The following OR2M4 variants were observed in gnomAD, a reference collection of about 807,000 sequenced individuals.
OR2M4 encodes olfactory receptor 2M4.
OR2M4 carries 8 observed loss-of-function variants against 13.7 expected under a neutral mutation model. The ratio of observed to expected loss-of-function variants is 0.58; its 90% CI spans 0.34 to 1.05. The LOEUF (loss-of-function observed/expected upper bound fraction) is 1.05. Ranked by LOEUF, OR2M4 falls within the 50% of genes least tolerant of loss-of-function variation. The pLI is 0.02. For missense variants in OR2M4, 374 were observed against 381.6 expected (o/e 0.98, Z 0.17); for synonymous variants, 152 against 141.3 (o/e 1.08, Z -0.53).
chr1:248,238,546 A>G (rs1467419971), intron 1 of OR2M4, among the ~76,000 whole-genome samples: 2 of 152,204 alleles, frequency 1.3e-5, no homozygotes, highest in Non-Finnish European at 2.9e-5. Flanking sequence ...AAAATTCTGT[A>G]AGGAATTTTC....
rs992142689 is a variant in OR2M4, at chr1:248,240,996, C to T, written c.*1132C>T. On this transcript the variant is annotated 3_prime_UTR_variant, in exon 2 of 2. Coordinates refer to ENST00000641868, the MANE Select transcript of OR2M4 (RefSeq NM_017504.2). The stretch of plus-strand genomic sequence containing the variant: ...TGGTCAAAACTTGTGTTCCCACAAA[C>T]CTTGACACTGAGGGCTAAAATGCGC... The T allele has an allele frequency of 6.6e-6, 1 of 152,216 alleles. No homozygotes were observed. Among genetic ancestry groups the T allele is most frequent in the Non-Finnish European group, 1.5e-5 (1 of 68,060 alleles). The allele number at this position is 152,216 out of a possible 1,614,324, so 9.4% of individuals were successfully genotyped here. A position where few individuals can be genotyped will look rare whatever the true frequency, so the allele number is the denominator to read the frequency against.
chr1:248,239,572 T>C lies in OR2M4; in HGVS notation c.644T>C (p.Ile215Thr). The change falls in exon 2 of 2, where the codon ATA becomes ACA. Residue 215 changes from isoleucine to threonine, a missense_variant. By Grantham distance (89) the Ile-to-Thr change is moderately conservative. Coordinates refer to ENST00000641868, the MANE Select transcript of OR2M4 (RefSeq NM_017504.2). ...CTAATCTTTCCAGTTTCAGTTATCA[T>C]ACTTTCCTATTCCCATGTCCTTCGA... ...VMLIFPVSVI[I>T]LSYSHVLRAV... 6.2e-7 allele frequency: 1 copy of C among 1,614,102 alleles called. No individual in the cohort carries two copies. The highest frequency in any genetic ancestry group is 8.5e-7 in the Non-Finnish European group (1 of 1,179,976).
In OR2M4 at chr1:248,241,977, A is replaced by C. The variant is rs983071197; in HGVS notation, c.*2113A>C. The C allele has an allele frequency of 1.2e-4, 19 of 152,278 alleles. No individual in the cohort carries two copies. The highest frequency in any genetic ancestry group is 4.3e-4 in the African/African-American group (18 of 41,562). The allele number at this position is 152,278 out of a possible 1,614,324, so 9.4% of individuals were successfully genotyped here. A position where few individuals can be genotyped will look rare whatever the true frequency, so the allele number is the denominator to read the frequency against. ...GTCGCCCTAGCTATGTCAAGTCAAAAATTTAGATTTATTGGGATTTTAAAA... is the reference window on the plus strand; with the variant it reads ...GTCGCCCTAGCTATGTCAAGTCAAACATTTAGATTTATTGGGATTTTAAAA... On this transcript the variant is annotated 3_prime_UTR_variant, in exon 2 of 2. Transcript: ENST00000641868.
chr1:248,239,327 C>T lies in OR2M4; in HGVS notation c.399C>T (p.Thr133=), dbSNP rs1452488585. 2 of 1,614,044 alleles carry T rather than the reference C, an allele frequency of 1.2e-6. No homozygotes were observed. Among genetic ancestry groups the T allele is most frequent in the Non-Finnish European group, 1.7e-6 (2 of 1,180,014 alleles). The change falls in exon 2 of 2, where the codon ACC becomes ACT. Residue 133 remains threonine (T), a synonymous_variant. Transcript: ENST00000641868. ...CTATATGTCACCCTCTTCAGTACACCATCCTCATGAATCCGAAACTCTGTG... is the reference window on the plus strand; with the variant it reads ...CTATATGTCACCCTCTTCAGTACACTATCCTCATGAATCCGAAACTCTGTG... ...YVAICHPLQY[T]ILMNPKLCVF... is the part of the protein sequence containing the mutation.
intron 1 of OR2M4, among the ~76,000 whole-genome samples, chr1:248,235,244 C>T (rs192039837): frequency 1.6e-3 from 239 of 152,250 alleles, no homozygotes; most frequent in African/African-American, 5.4e-3. Flanking sequence ...TTTCCCAGCA[C>T]CATTTACTAA....
chr1:248,243,910 A>C lies in OR2M4; in HGVS notation c.*4046A>C, dbSNP rs1239595880. ...AGCACATGACCATGCATTTCTCAAA[A>C]GAAGGCATATGAGCAGCCAACAAAC... On this transcript the variant is annotated 3_prime_UTR_variant, in exon 2 of 2. Coordinates refer to ENST00000641868, the MANE Select transcript of OR2M4 (RefSeq NM_017504.2). 1 of 152,268 alleles carries C rather than the reference A, an allele frequency of 6.6e-6. No homozygotes were observed. Among genetic ancestry groups the C allele is most frequent in the Non-Finnish European group, 1.5e-5 (1 of 68,054 alleles). The allele number at this position is 152,268 out of a possible 1,614,324, so 9.4% of individuals were successfully genotyped here. A position where few individuals can be genotyped will look rare whatever the true frequency, so the allele number is the denominator to read the frequency against.
At position 248,239,125 on chromosome 1, in the gene OR2M4, T is replaced by A. The variant is rs1666587678; in HGVS notation, c.197T>A (p.Leu66Gln). The A allele has an allele frequency of 1.2e-6, 2 of 1,614,078 alleles. No individual in the cohort carries two copies. The highest frequency in any genetic ancestry group is 1.3e-5 in the African/African-American group (1 of 75,030). Residue 66 changes from leucine (L) to glutamine (Q), a missense_variant, in exon 2 of 2, where the codon CTG (leucine) becomes CAG (glutamine). Coordinates refer to ENST00000641868, the MANE Select transcript of OR2M4 (RefSeq NM_017504.2). ...CCCATGTACTTCCTCCTCAGTCAAC[T>A]GTCCCTTATGGACCTCATGCTCATC... ...HTPMYFLLSQ[L>Q]SLMDLMLICT... is the part of the protein sequence containing the mutation.
Position 248,243,797 on chromosome 1 carries a change from T to C in OR2M4, c.*3933T>C, listed in dbSNP as rs1297199111. The C allele has an allele frequency of 2.0e-5, 3 of 152,146 alleles. No individual in the cohort carries two copies. Among genetic ancestry groups the C allele is most frequent in the African/African-American group, 7.2e-5 (3 of 41,412 alleles). 9.4% of individuals were successfully genotyped at this position (152,146 alleles called of 1,614,324 possible). On this transcript the variant is annotated 3_prime_UTR_variant, in exon 2 of 2. Transcript: ENST00000641868. ...GGAGAAGATATTAGCAAAATGTGCA[T>C]CCAACAAAGGTCTAACATCCAGATT...
chr1:248,234,765 T>C (rs534647688), intron 1 of OR2M4, among the ~76,000 whole-genome samples: 6 of 151,910 alleles, frequency 3.9e-5, no homozygotes, highest in Non-Finnish European at 5.9e-5. Flanking sequence ...ATCAGTGATG[T>C]TGAGCCTTTT....
Position 248,243,488 on chromosome 1 carries a change from T to C in OR2M4, c.*3624T>C, listed in dbSNP as rs1259847349. 6.6e-6 allele frequency: 1 copy of C among 152,232 alleles called. No individual in the cohort carries two copies. Among genetic ancestry groups the C allele is most frequent in the African/African-American group, 2.4e-5 (1 of 41,440 alleles). 9.4% of individuals were successfully genotyped at this position (152,232 alleles called of 1,614,324 possible). On this transcript the variant is annotated 3_prime_UTR_variant, in exon 2 of 2. Transcript: ENST00000641868. ...TAGCACTTCGCCTGCATTTCTTTTATTAGATGTTTCGGGCTACAGCCCTCC... is the reference window on the plus strand; with the variant it reads ...TAGCACTTCGCCTGCATTTCTTTTACTAGATGTTTCGGGCTACAGCCCTCC...
chr1:248,243,367 T>C lies in OR2M4; in HGVS notation c.*3503T>C, dbSNP rs1158118027. The C allele has an allele frequency of 6.6e-6, 1 of 152,178 alleles. No individual in the cohort carries two copies. Among genetic ancestry groups the C allele is most frequent in the Non-Finnish European group, 1.5e-5 (1 of 68,048 alleles). The allele number at this position is 152,178 out of a possible 1,614,324, so 9.4% of individuals were successfully genotyped here. A position where few individuals can be genotyped will look rare whatever the true frequency, so the allele number is the denominator to read the frequency against. The stretch of plus-strand genomic sequence containing the variant: ...ATCGGCCACTTGGCTCTTTCGTGTT[T>C]CCTGGCATTCGCAGGCACGCTGTCC... On this transcript the variant is annotated 3_prime_UTR_variant, in exon 2 of 2. Transcript: ENST00000641868.
In OR2M4 at chr1:248,244,083, A is replaced by T. The variant is rs948764222; in HGVS notation, c.*4219A>T. 2 of 152,184 alleles carry T rather than the reference A, an allele frequency of 1.3e-5. No homozygotes were observed. The highest frequency in any genetic ancestry group is 4.8e-5 in the African/African-American group (2 of 41,438). 9.4% of individuals were successfully genotyped at this position (152,184 alleles called of 1,614,324 possible). On this transcript the variant is annotated 3_prime_UTR_variant, in exon 2 of 2. Transcript: ENST00000641868. ...GTGAAGCTGTGGAGAAAAGGAACACATATACACTGTTGGTGGGAATGTAAA... is the reference window on the plus strand; with the variant it reads ...GTGAAGCTGTGGAGAAAAGGAACACTTATACACTGTTGGTGGGAATGTAAA...
At chr1:248,235,595 T>C (rs1041678246) in intron 1 of OR2M4, among the ~76,000 whole-genome samples, 2 of 152,154 alleles carry the variant, frequency 1.3e-5, no homozygotes, top group Non-Finnish European at 2.9e-5. Context: ...TTGAGCAGTA[T>C]AGCCATTTTC....
At chr1:248,238,884 G>A (rs1666583690) in intron 1 of OR2M4, 26 bp from the exon 2 acceptor site, 1 of 1,395,676 alleles carries the variant, frequency 7.2e-7, no homozygotes, top group Admixed American at 2.1e-5. Flanking sequence ...TGATAAATAA[G>A]CTTGTACCTT....
At position 248,239,320 on chromosome 1, in the gene OR2M4, A is replaced by G. The variant is rs200595214; in HGVS notation, c.392A>G (p.Gln131Arg). The G allele has an allele frequency of 3.9e-5, 63 of 1,614,032 alleles. No homozygotes were observed. In the Middle Eastern group the frequency reaches 9.9e-4, roughly 25 times the overall value. The change falls in exon 2 of 2, where the codon CAG becomes CGG. Residue 131 changes from glutamine to arginine, a missense_variant. Coordinates refer to ENST00000641868, the MANE Select transcript of OR2M4 (RefSeq NM_017504.2). ...TATGTGGCTATATGTCACCCTCTTC[A>G]GTACACCATCCTCATGAATCCGAAA... The part of the protein sequence containing the change: ...DRYVAICHPL[Q>R]YTILMNPKLC...
Position 248,241,665 on chromosome 1 carries a change from GA to G in OR2M4, c.*1802del, listed in dbSNP as rs1375190892. 4.2e-4 allele frequency: 64 copies of G among 152,242 alleles called. No homozygotes were observed. The highest frequency in any genetic ancestry group is 1.5e-3 in the African/African-American group (62 of 41,540). The allele number at this position is 152,242 out of a possible 1,614,324, so 9.4% of individuals were successfully genotyped here. A position where few individuals can be genotyped will look rare whatever the true frequency, so the allele number is the denominator to read the frequency against. ...GCACTTTGGGAGGCCGAGGCGGGCA[GA>G]TTATCTGAGGTTGGGAGTTCAAGGC... On this transcript the variant is annotated 3_prime_UTR_variant, in exon 2 of 2. Coordinates refer to ENST00000641868, the MANE Select transcript of OR2M4 (RefSeq NM_017504.2).
rs1666603996 is a variant in OR2M4 at position 248,240,131 on chromosome 1, AC to A, written c.*268del. ...GGTGGTACTTGATTTTAGGATGCTT[AC>A]TTTTGAAGCCAGGTATAAGTCCGAA... On this transcript the variant is annotated 3_prime_UTR_variant, in exon 2 of 2. Coordinates refer to ENST00000641868, the MANE Select transcript of OR2M4 (RefSeq NM_017504.2). 3.5e-6 allele frequency: 1 copy of A among 285,224 alleles called. No homozygotes were observed. The highest frequency in any genetic ancestry group is 2.2e-5 in the African/African-American group (1 of 45,282). The allele number at this position is 285,224 out of a possible 1,614,324, so 17.7% of individuals were successfully genotyped here.
intron 1 of OR2M4, among the ~76,000 whole-genome samples, chr1:248,234,642 A>C (rs1467789444): frequency 2.0e-5 from 3 of 151,672 alleles, no homozygotes; most frequent in Non-Finnish European, 4.4e-5. Flanking sequence ...GTCCCTGCAA[A>C]GGACATGATG....
In OR2M4 at chr1:248,239,587, A is replaced by G; in HGVS notation, c.659A>G (p.His220Arg). 1 of 1,613,942 alleles carries G rather than the reference A, an allele frequency of 6.2e-7. No homozygotes were observed. ...PVSVIILSYS[H>R]VLRAVIHMGS... ...TCAGTTATCATACTTTCCTATTCCC[A>G]TGTCCTTCGAGCCGTCATCCACATG... The change falls in exon 2 of 2, where the codon CAT becomes CGT. Residue 220 changes from histidine to arginine, a missense_variant. Physicochemically the swap from His to Arg is conservative, Grantham distance 29 (BLOSUM62 0). Transcript: ENST00000641868.
Sources: gnomAD v4.1 joint callset for allele counts (sites outside exome capture counted in the v4.1 genomes callset) on GRCh38, gnomAD v4.1.1 for gene constraint, MANE v1.5 for transcripts, NCBI Gene and HGNC (gene_info 2026-07-23, HGNC 2026-07-21) for gene names.